Variants in XYLT1 observed in about 807,000 individuals in gnomAD.
XYLT1 encodes beta-D-xylosyltransferase 1.
A neutral mutation model predicts 91.3 loss-of-function variants in XYLT1; 36 were observed. That is an observed-to-expected ratio of 0.39 (90% CI 0.30 to 0.52). XYLT1 has a LOEUF of 0.52. Among genes scored for constraint, XYLT1 ranks in the 20% least tolerant of loss-of-function variants. XYLT1 has a pLI of 0.68. For synonymous variants in XYLT1, 588 were observed against 532.0 expected (o/e 1.11, Z -1.45); for missense variants, 1,242 against 1,284.5 (o/e 0.97, Z 0.51).
chr16:17,178,394 C>T (rs890369252), intron 5 of XYLT1, among the ~76,000 whole-genome samples: 7 of 152,276 alleles, frequency 4.6e-5, no homozygotes, highest in Non-Finnish European at 8.8e-5. Flanking sequence ...CACTCATTCT[C>T]TATCCAGGGT....
chr16:17,315,814 C>G (rs960563906), intron 2 of XYLT1, among the ~76,000 whole-genome samples: 2 of 152,108 alleles, frequency 1.3e-5, no homozygotes, highest in Non-Finnish European at 2.9e-5. Context: ...TGACCCTATA[C>G]CCAGTTTCTC....
intron 11 of XYLT1, among the ~76,000 whole-genome samples, chr16:17,114,602 A>T (rs954930240): frequency 6.6e-6 from 1 of 152,310 alleles, no homozygotes; most frequent in Admixed American, 6.5e-5. Flanking sequence ...TCCCTTTGCT[A>T]GGACTCAAGG....
chr16:17,343,171 T>C (rs114401013), intron 2 of XYLT1, among the ~76,000 whole-genome samples: 1,598 of 152,040 alleles, frequency 0.011, 28 homozygotes, highest in African/African-American at 0.037. Context: ...CCAGCAAGGG[T>C]TGAACATGTT....
chr16:17,224,132 G>T (rs774672146), intron 3 of XYLT1, among the ~76,000 whole-genome samples: 2 of 152,154 alleles, frequency 1.3e-5, no homozygotes, highest in African/African-American at 4.8e-5. Context: ...ACTGAAGAAG[G>T]TAACCTGACA....
At chr16:17,181,540 A>G (rs1223148315) in intron 5 of XYLT1, among the ~76,000 whole-genome samples, 1 of 152,130 alleles carries the variant, frequency 6.6e-6, no homozygotes, top group African/African-American at 2.4e-5. Flanking sequence ...ACTATCTTTC[A>G]TGTTTCTAAC....
At chr16:17,293,636 C>T (rs1024791160) in intron 2 of XYLT1, among the ~76,000 whole-genome samples, 1 of 151,970 alleles carries the variant, frequency 6.6e-6, no homozygotes, top group African/African-American at 2.4e-5. Flanking sequence ...TATAGGCACC[C>T]ATCACCACAC....
At chr16:17,319,504 G>A (rs548132481) in intron 2 of XYLT1, among the ~76,000 whole-genome samples, 6 of 151,488 alleles carry the variant, frequency 4.0e-5, no homozygotes, top group Admixed American at 2.0e-4. Flanking sequence ...GTGCAGTGGC[G>A]CAATCGTGGC....
chr16:17,326,434 G>C (rs908020435), intron 2 of XYLT1, among the ~76,000 whole-genome samples: 13 of 152,082 alleles, frequency 8.5e-5, no homozygotes, highest in Admixed American at 6.5e-5. Context: ...TTGAAAGGTT[G>C]ACCTCTAAGC....
chr16:17,211,260 A>T (rs1247894579), intron 3 of XYLT1, among the ~76,000 whole-genome samples: 1 of 152,142 alleles, frequency 6.6e-6, no homozygotes, highest in Non-Finnish European at 1.5e-5. Flanking sequence ...TGAGTTTGTT[A>T]AACAAATGAG....
In XYLT1 at chr16:17,103,203, C is replaced by T. The variant is rs914252611; in HGVS notation, c.*5492G>A. On this transcript the variant is annotated 3_prime_UTR_variant, in exon 12 of 12. Coordinates refer to ENST00000261381, the MANE Select transcript of XYLT1 (RefSeq NM_022166.4). The stretch of plus-strand genomic sequence containing the variant: ...AAATGGAGAACGTCTCCTGATTTAC[C>T]CTTGAATGAAGTACATATAAAGTCA... 3.3e-5 allele frequency: 5 copies of T among 152,566 alleles called. No homozygotes were observed. The highest frequency in any genetic ancestry group is 1.2e-4 in the African/African-American group (5 of 41,434). 9.5% of individuals were successfully genotyped at this position (152,566 alleles called of 1,614,324 possible). A position where few individuals can be genotyped will look rare whatever the true frequency, so the allele number is the denominator to read the frequency against.
intron 1 of XYLT1, among the ~76,000 whole-genome samples, chr16:17,466,430 T>C (rs2036898058): frequency 6.6e-6 from 1 of 152,214 alleles, no homozygotes; most frequent in African/African-American, 2.4e-5. Flanking sequence ...CTTTGCTTTC[T>C]GAGGATACAC....
intron 1 of XYLT1, among the ~76,000 whole-genome samples, chr16:17,383,072 C>T (rs1187831906): frequency 2.0e-5 from 3 of 151,838 alleles, no homozygotes; most frequent in Admixed American, 6.6e-5. Context: ...CAGGCAGAGG[C>T]TTTCCTTTTG....
chr16:17,281,167 A>G (rs900111123), intron 2 of XYLT1, among the ~76,000 whole-genome samples: 4 of 152,214 alleles, frequency 2.6e-5, no homozygotes, highest in African/African-American at 7.2e-5. Flanking sequence ...GCTGGCCTGC[A>G]GCATCCAGGG....
In XYLT1 at chr16:17,335,148, G is replaced by C. The variant is rs567236807; in HGVS notation, c.402+22864C>G. 9.9e-5 allele frequency among the ~76,000 whole-genome samples: 15 copies of C among 150,832 alleles called. No homozygotes were observed. In the South Asian group the frequency reaches 3.2e-3, roughly 32 times the overall value. ...GCTGAGGCACAAGACTCAACTGAAC[G>C]CGGGGACGTTGCAGTGAGCTGAGAT... On this transcript the variant is annotated intron_variant, in intron 2 of 11. Coordinates refer to ENST00000261381, the MANE Select transcript of XYLT1 (RefSeq NM_022166.4).
intron 3 of XYLT1, among the ~76,000 whole-genome samples, chr16:17,215,485 C>A (rs970541853): frequency 5.3e-5 from 8 of 152,166 alleles, no homozygotes; most frequent in Admixed American, 5.2e-4. Context: ...CATCTGCAAG[C>A]CAGGAAGAGG....
chr16:17,276,864 T>G (rs1235126080), intron 2 of XYLT1, among the ~76,000 whole-genome samples: 1 of 152,198 alleles, frequency 6.6e-6, no homozygotes, highest in African/African-American at 2.4e-5. Context: ...ACGTAAACTA[T>G]CTATAATATC....
intron 1 of XYLT1, among the ~76,000 whole-genome samples, chr16:17,430,567 C>G (rs1275297258): frequency 1.3e-5 from 2 of 152,128 alleles, no homozygotes; most frequent in Non-Finnish European, 2.9e-5. Context: ...CTGGAGGGGC[C>G]CCCAGTCTTG....
chr16:17,377,183 A>ACACACACACACACACACCCACACACC (rs1212115321), intron 1 of XYLT1, among the ~76,000 whole-genome samples: 2 of 152,080 alleles, frequency 1.3e-5, no homozygotes, highest in South Asian at 4.1e-4. Flanking sequence ...CCTCACACAC[A>ACACACACACACACACACCCACACACC]CACACAAAAT....
At chr16:17,185,538 C>T (rs1239353098) in intron 5 of XYLT1, among the ~76,000 whole-genome samples, 2 of 152,166 alleles carry the variant, frequency 1.3e-5, no homozygotes, top group Non-Finnish European at 2.9e-5. Flanking sequence ...AGTGTTGGGC[C>T]ACCAAGTATG....
Sources: allele counts gnomAD v4.1 joint callset (sites outside exome capture counted in the v4.1 genomes callset), GRCh38; gene constraint gnomAD v4.1.1; transcripts MANE v1.5; gene names NCBI Gene and HGNC (gene_info 2026-07-23, HGNC 2026-07-21).